The following PSMA1 variants were observed in gnomAD, a reference collection of about 807,000 sequenced individuals.
PSMA1 encodes the protein proteasome 20S subunit alpha 1.
Under a neutral mutation model 38.4 loss-of-function variants are expected in PSMA1, and 3 were observed. The ratio of observed to expected loss-of-function variants is 0.08; its 90% CI spans 0.04 to 0.20. The LOEUF is 0.20. Ranked by LOEUF, PSMA1 falls within the 10% of genes least tolerant of loss-of-function variation. PSMA1 has a pLI of 1.00. For synonymous variants in PSMA1, 101 were observed against 107.1 expected, an observed-to-expected ratio of 0.94 and a Z score of 0.35; for missense variants, 227 against 325.3, an observed-to-expected ratio of 0.70 and a Z score of 2.32.
intron 2 of PSMA1, among the ~76,000 whole-genome samples, chr11:14,579,022 T>A (rs1217794416): frequency 6.6e-6 from 1 of 152,230 alleles, no homozygotes; most frequent in Non-Finnish European, 1.5e-5. Context: ...GGGATTAAGT[T>A]ACCTGGCCTA....
intron 2 of PSMA1, among the ~76,000 whole-genome samples, chr11:14,581,257 G>A (rs2134183424): frequency 6.6e-6 from 1 of 152,248 alleles, no homozygotes; most frequent in Admixed American, 6.5e-5. Flanking sequence ...TTCATAGGCT[G>A]GCAACCTCTA....
At chr11:14,614,683 A>G (rs1405486132) in intron 1 of PSMA1, among the ~76,000 whole-genome samples, 1 of 152,174 alleles carries the variant, frequency 6.6e-6, no homozygotes, top group Non-Finnish European at 1.5e-5. Flanking sequence ...TGCATTCCTC[A>G]TAGTTACTAG....
chr11:14,559,922 T>A (rs1452238363), intron 2 of PSMA1, among the ~76,000 whole-genome samples: 1 of 151,784 alleles, frequency 6.6e-6, no homozygotes, highest in Non-Finnish European at 1.5e-5. Flanking sequence ...CTAGAAGAAG[T>A]TAAACTGCAG....
intron 2 of PSMA1, among the ~76,000 whole-genome samples, chr11:14,577,978 C>A (rs1361339859): frequency 6.6e-6 from 1 of 150,844 alleles, no homozygotes; most frequent in Non-Finnish European, 1.5e-5. Flanking sequence ...CAAATTAGAT[C>A]ATTTAAACAG....
chr11:14,634,530 A>G lies in PSMA1; in HGVS notation c.-166+8925T>C, dbSNP rs112582709. ...TTTTTTTTTTAAGTGATTTTTGTAGAGACAGGGTTTCACTATGTTGCCCAG... is the reference window on the plus strand; with the variant it reads ...TTTTTTTTTTAAGTGATTTTTGTAGGGACAGGGTTTCACTATGTTGCCCAG... On this transcript the variant is annotated intron_variant, in intron 1 of 10. Coordinates refer to the PSMA1 transcript ENST00000418988. Among the ~76,000 whole-genome samples, 884 of 151,248 alleles carry G rather than the reference A, an allele frequency of 5.8e-3. 9 individuals carry two copies. The highest frequency in any genetic ancestry group is 0.021 in the African/African-American group (849 of 41,142).
At chr11:14,576,186 G>T (rs1460499403) in intron 2 of PSMA1, among the ~76,000 whole-genome samples, 1 of 152,088 alleles carries the variant, frequency 6.6e-6, no homozygotes, top group Non-Finnish European at 1.5e-5. Flanking sequence ...TTAGCCCTTT[G>T]TCAGATGGGT....
chr11:14,603,215 G>T (rs2134194764), intron 2 of PSMA1, among the ~76,000 whole-genome samples: 1 of 152,320 alleles, frequency 6.6e-6, no homozygotes, highest in South Asian at 2.1e-4. Context: ...AGTAAGGAAG[G>T]AGAAGTAATT....
chr11:14,520,419 G>C (rs1851509876), upstream of PSMA1: 2 of 1,610,842 alleles, frequency 1.2e-6, no homozygotes, highest in Non-Finnish European at 8.5e-7. Flanking sequence ...GGCGGCGCAG[G>C]GTAGCGCAGT....
At chr11:14,514,729 A>G (rs1851399089) in intron 4 of PSMA1, among the ~76,000 whole-genome samples, 1 of 152,244 alleles carries the variant, frequency 6.6e-6, no homozygotes, top group Non-Finnish European at 1.5e-5. Context: ...TCTTTGTATC[A>G]GAGCACTTAT....
At chr11:14,604,407 A>G (rs1269121571) in intron 2 of PSMA1, among the ~76,000 whole-genome samples, 2 of 152,122 alleles carry the variant, frequency 1.3e-5, no homozygotes, top group Admixed American at 1.3e-4. Flanking sequence ...TATATGTGAC[A>G]TCTCTATATT....
chr11:14,611,075 G>T, exon 2 of PSMA1: 1 of 1,354,896 alleles, frequency 7.4e-7, no homozygotes, highest in Non-Finnish European at 1.1e-6. Flanking sequence ...GCCTTGGAGG[G>T]CCAAGGCCTT....
chr11:14,597,596 T>G (rs1009054528), intron 2 of PSMA1, among the ~76,000 whole-genome samples: 23 of 152,230 alleles, frequency 1.5e-4, no homozygotes, highest in Admixed American at 6.5e-5. Context: ...TGATATCCCC[T>G]TTATCATTTT....
At chr11:14,522,022 A>C (rs1424712499), upstream of PSMA1, among the ~76,000 whole-genome samples, 1 of 152,210 alleles carries the variant, frequency 6.6e-6, no homozygotes, top group Non-Finnish European at 1.5e-5. Context: ...TAACTGATTA[A>C]ATAAATGCTC....
intron 1 of PSMA1, among the ~76,000 whole-genome samples, chr11:14,627,434 A>G (rs1747759176): frequency 6.6e-6 from 1 of 152,154 alleles, no homozygotes; most frequent in Non-Finnish European, 1.5e-5. Context: ...CTGCATTTTT[A>G]TCATCTGGGT....
chr11:14,577,189 T>A (rs924569064), intron 2 of PSMA1, among the ~76,000 whole-genome samples: 11 of 152,188 alleles, frequency 7.2e-5, no homozygotes, highest in African/African-American at 2.2e-4. Context: ...AGTATGTTAT[T>A]TACTAACTTA....
At chr11:14,604,051 A>G (rs549285985) in intron 2 of PSMA1, among the ~76,000 whole-genome samples, 1 of 152,328 alleles carries the variant, frequency 6.6e-6, no homozygotes, top group East Asian at 1.9e-4. Flanking sequence ...ATTAAAATAC[A>G]TTTCTTCTAA....
chr11:14,630,236 T>C lies in PSMA1; in HGVS notation c.-166+13219A>G, dbSNP rs868840785. Among the ~76,000 whole-genome samples, 1,008 of 152,304 alleles carry C rather than the reference T, an allele frequency of 6.6e-3. 9 individuals are homozygous for C. The highest frequency in any genetic ancestry group is 0.023 in the African/African-American group (963 of 41,566). On this transcript the variant is annotated intron_variant, in intron 1 of 10. Transcript: ENST00000418988. The stretch of plus-strand genomic sequence containing the variant: ...AGTGGTGAGAGAGGGCATCCCTGTC[T>C]TATGCCAGTTTTCAAAGGGAATGCT...
At chr11:14,620,419 T>C (rs1852830382) in intron 1 of PSMA1, among the ~76,000 whole-genome samples, 1 of 152,210 alleles carries the variant, frequency 6.6e-6, no homozygotes, top group South Asian at 2.1e-4. Context: ...ACCCATGCCC[T>C]GGCCCATAGC....
At position 14,612,624 on chromosome 11, in the gene PSMA1, G is replaced by A. The variant is rs142812362; in HGVS notation, c.-165-1473C>T. ...AAAAGAAAAATACATAGATGACTAG[G>A]ACATAGACTGTACCCTCTAGGAAAG... is the stretch of plus-strand genomic sequence containing the variant. On this transcript the variant is annotated intron_variant, in intron 1 of 10. Coordinates refer to the PSMA1 transcript ENST00000418988. Among the ~76,000 whole-genome samples, 430 of 152,138 alleles carry A rather than the reference G, an allele frequency of 2.8e-3. 2 individuals carry two copies. The highest frequency in any genetic ancestry group is 0.01 in the Middle Eastern group (3 of 294).
Sources: allele counts gnomAD v4.1 joint callset (sites outside exome capture counted in the v4.1 genomes callset), GRCh38; gene constraint gnomAD v4.1.1; transcripts MANE v1.5; gene names NCBI Gene and HGNC (gene_info 2026-07-23, HGNC 2026-07-21).